The following ODAPH variants were observed in gnomAD, a reference collection of about 807,000 sequenced individuals.
ODAPH encodes amelogenesis imperfecta type IIA4.
Under a neutral mutation model 2.8 loss-of-function variants are expected in ODAPH, and 2 were observed. The ratio of observed to expected loss-of-function variants is 0.72; its 90% confidence interval spans 0.30 to 2.28. The LOEUF is 2.28. Ranked by LOEUF, ODAPH falls within the 30% of genes most tolerant of loss-of-function variation. The probability of loss-of-function intolerance (pLI) is 0.13; values close to 1 mark genes in which losing one functional copy is unlikely to be tolerated. For synonymous variants in ODAPH, 75 were observed against 60.3 expected (o/e 1.24, Z -1.13); for missense variants, 159 against 163.3 (o/e 0.97, Z 0.14).
chr4:75,564,296 AG>A lies in ODAPH; in HGVS notation c.252del (p.Arg84SerfsTer79), dbSNP rs1388357157. 8.7e-6 allele frequency: 14 copies of A among 1,614,076 alleles called. No individual in the cohort carries two copies. Reference sequence around the variant, plus strand: ...TCCACGAAGGCCCAGAATCCATTTTAGGTTTCCAAACAGACCTTTCGTCCCT... The same window carrying A: ...TCCACGAAGGCCCAGAATCCATTTTAGTTTCCAAACAGACCTTTCGTCCCT... ...FFPRRPRIHF[R>X]FPNRPFVPSR... On this transcript the variant is annotated frameshift_variant, in exon 2 of 2. Coordinates refer to ENST00000311623, the MANE Select transcript of ODAPH (RefSeq NM_178497.5). LOFTEE classifies it low-confidence loss of function (END_TRUNC).
intron 1 of ODAPH, among the ~76,000 whole-genome samples, chr4:75,559,986 T>TC: frequency 6.6e-6 from 1 of 152,242 alleles, no homozygotes; most frequent in African/African-American, 2.4e-5. Context: ...AGGAAAGGCC[T>TC]CCCTGACAAA....
chr4:75,560,538 G>A (rs1727518819), intron 1 of ODAPH, among the ~76,000 whole-genome samples: 1 of 152,202 alleles, frequency 6.6e-6, no homozygotes, highest in African/African-American at 2.4e-5. Flanking sequence ...TAGGACACTT[G>A]TGCTAGCTAA....
chr4:75,565,447 G>GT (rs1560563800), downstream of ODAPH: 1 of 152,054 alleles, frequency 6.6e-6, no homozygotes, highest in South Asian at 2.1e-4. Flanking sequence ...AACTTTTAAC[G>GT]TAATTCCAGG....
chr4:75,561,545 C>T (rs1727577615), intron 1 of ODAPH, among the ~76,000 whole-genome samples: 1 of 151,866 alleles, frequency 6.6e-6, no homozygotes, highest in African/African-American at 2.4e-5. Flanking sequence ...AGCTAGGGCT[C>T]CCTGAAAAGC....
At chr4:75,562,465 G>T (rs1331458519) in intron 1 of ODAPH, among the ~76,000 whole-genome samples, 2 of 151,046 alleles carry the variant, frequency 1.3e-5, no homozygotes, top group Non-Finnish European at 2.9e-5. Flanking sequence ...TCAGCCTCCC[G>T]AGTAGCTGGG....
At chr4:75,561,330 C>T (rs937230581) in intron 1 of ODAPH, among the ~76,000 whole-genome samples, 2 of 151,230 alleles carry the variant, frequency 1.3e-5, no homozygotes, top group Admixed American at 6.6e-5. Context: ...AAAAAAGCTA[C>T]TAATGTGGGA....
rs765305769 is a variant in ODAPH at position 75,564,371 on chromosome 4, C to T, written c.325C>T (p.Arg109Cys). ...ATTCCAGCCATTTTATTGGCCACAC[C>T]GTTACCTTACTTATAGGTATTTCCC... ...FPFQPFYWPH[R>C]YLTYRYFPRR... Residue 109 changes from arginine (R) to cysteine (C), a missense_variant, in exon 2 of 2, where the codon CGT becomes TGT. Physicochemically the swap from Arg to Cys is radical, Grantham distance 180. Coordinates refer to ENST00000311623, the MANE Select transcript of ODAPH (RefSeq NM_178497.5). 8.7e-6 allele frequency: 14 copies of T among 1,613,996 alleles called. No homozygotes were observed. The Middle Eastern group carries it at 4.9e-4, about 57-fold the overall frequency.
At position 75,564,566 on chromosome 4, in the gene ODAPH, C is replaced by T. The variant is rs1727740944; in HGVS notation, c.*127C>T. 6.4e-7 allele frequency: 1 copy of T among 1,560,286 alleles called. No homozygotes were observed. The highest frequency in any genetic ancestry group is 1.4e-5 in the African/African-American group (1 of 73,562). On this transcript the variant is annotated 3_prime_UTR_variant, in exon 2 of 2. Transcript: ENST00000311623. ...GGATTTGAAGATTAAGTATCCTAAACATCACTGACTAGAAACTGTTCTCTT... is the reference window on the plus strand; with the variant it reads ...GGATTTGAAGATTAAGTATCCTAAATATCACTGACTAGAAACTGTTCTCTT...
chr4:75,564,030 T>C, intron 1 of ODAPH, 84 bp from the exon 2 acceptor site: 5 of 1,208,844 alleles, frequency 4.1e-6, no homozygotes, highest in Non-Finnish European at 6.1e-6. Flanking sequence ...TCTCTTCCCA[T>C]CTTTCTCCTC....
intron 1 of ODAPH, among the ~76,000 whole-genome samples, chr4:75,558,964 G>A (rs1205857700): frequency 6.6e-6 from 1 of 152,162 alleles, no homozygotes; most frequent in Non-Finnish European, 1.5e-5. Flanking sequence ...CCAAAGTGCT[G>A]GGATTATAAG....
At chr4:75,556,257 C>A in intron 1 of ODAPH, 108 bp downstream of exon 1, 2 of 1,133,712 alleles carry the variant, frequency 1.8e-6, no homozygotes, top group Non-Finnish European at 2.6e-6. Context: ...AAATATTTAC[C>A]TCAGCTTCCA....
At chr4:75,563,069 G>A (rs1205475950) in intron 1 of ODAPH, 1 of 117,362 alleles carries the variant, frequency 8.5e-6, no homozygotes, top group Admixed American at 1.2e-4. Flanking sequence ...CTGTCAGCCA[G>A]GCTGGTGTGC....
In ODAPH at chr4:75,564,621, T is replaced by A. The variant is rs1309459768; in HGVS notation, c.*182T>A. ...AGCAGTGAAGATATTGGATCATAGG[T>A]TATTGATGGTTGCAAAATTGGACAA... On this transcript the variant is annotated 3_prime_UTR_variant, in exon 2 of 2. Coordinates refer to ENST00000311623, the MANE Select transcript of ODAPH (RefSeq NM_178497.5). 7.4e-7 allele frequency: 1 copy of A among 1,354,056 alleles called. No homozygotes were observed. The highest frequency in any genetic ancestry group is 1.5e-5 in the African/African-American group (1 of 67,838). The allele number at this position is 1,354,056 out of a possible 1,614,324, so 83.9% of individuals were successfully genotyped here. A position where few individuals can be genotyped will look rare whatever the true frequency, so the allele number is the denominator to read the frequency against.
In ODAPH at chr4:75,563,032, T is replaced by G. The variant is rs1158075368; in HGVS notation, c.68-1082T>G. The stretch of plus-strand genomic sequence containing the variant: ...TTTTTTTTTTTTTTTTTTTTTTTTT[T>G]TTTTTTTTTTGAGACAGAGTCTCGC... On this transcript the variant is annotated intron_variant, in intron 1 of 1. Coordinates refer to ENST00000311623, the MANE Select transcript of ODAPH (RefSeq NM_178497.5). Among the ~76,000 whole-genome samples, 105 of 118,790 alleles carry G rather than the reference T, an allele frequency of 8.8e-4. 5 individuals are homozygous for G. Among genetic ancestry groups the G allele is most frequent in the Non-Finnish European group, 1.4e-3 (82 of 57,294 alleles). The allele number at this position is 118,790 out of a possible 152,430, so 77.9% of individuals were successfully genotyped here. A position where few individuals can be genotyped will look rare whatever the true frequency, so the allele number is the denominator to read the frequency against.
At chr4:75,557,111 A>T (rs1420027138) in intron 1 of ODAPH, among the ~76,000 whole-genome samples, 2 of 151,956 alleles carry the variant, frequency 1.3e-5, no homozygotes, top group Non-Finnish European at 2.9e-5. Context: ...CTCTGCACAC[A>T]CTCTGGCAAT....
intron 1 of ODAPH, among the ~76,000 whole-genome samples, chr4:75,557,100 C>A (rs1727365318): frequency 6.6e-6 from 1 of 152,086 alleles, no homozygotes; most frequent in South Asian, 2.1e-4. Flanking sequence ...CCTGATCCAA[C>A]CTCTGCACAC....
intron 1 of ODAPH, among the ~76,000 whole-genome samples, chr4:75,561,926 T>C (rs1032044681): frequency 2.0e-5 from 3 of 152,182 alleles, no homozygotes; most frequent in Non-Finnish European, 4.4e-5. Flanking sequence ...TCTTCCTCTG[T>C]CCCGGAAGCC....
chr4:75,564,467 A>G lies in ODAPH; in HGVS notation c.*28A>G. On this transcript the variant is annotated 3_prime_UTR_variant, in exon 2 of 2. Transcript: ENST00000311623. ...GGGAAGAGAAACCCAAACATACTGA[A>G]GCAAAAAAAAGCCTATCCTTCAGAA... 1 of 1,613,940 alleles carries G rather than the reference A, an allele frequency of 6.2e-7. No homozygotes were observed. The highest frequency in any genetic ancestry group is 8.5e-7 in the Non-Finnish European group (1 of 1,180,026).
At chr4:75,559,282 C>T (rs1216691800) in intron 1 of ODAPH, among the ~76,000 whole-genome samples, 2 of 152,182 alleles carry the variant, frequency 1.3e-5, no homozygotes. Flanking sequence ...GAAAATGGTG[C>T]TCAGGCTAAC....
Sources: allele counts gnomAD v4.1 joint callset (sites outside exome capture counted in the v4.1 genomes callset), GRCh38; gene constraint gnomAD v4.1.1; transcripts MANE v1.5; gene names NCBI Gene and HGNC (gene_info 2026-07-23, HGNC 2026-07-21).